Variants in ZDHHC11B observed in about 807,000 individuals in gnomAD.
The protein encoded by ZDHHC11B is probable palmitoyltransferase ZDHHC11B.
A neutral mutation model predicts 42.3 loss-of-function variants in ZDHHC11B; 17 were observed. The observed-to-expected ratio is 0.40, with a 90% CI of 0.27 to 0.60. ZDHHC11B has a LOEUF of 0.60. ZDHHC11B is among the 20% of genes least tolerant of loss of function. The pLI, the probability that ZDHHC11B is intolerant of heterozygous loss-of-function variation, is 0.41. For synonymous variants in ZDHHC11B, 123 were observed against 193.5 expected (o/e 0.64, Z 3.02); for missense variants, 262 against 463.2 (o/e 0.57, Z 3.99).
rs558531397 is a variant in ZDHHC11B, at chr5:749,130, C to T, written c.629-571G>A. Among the ~76,000 whole-genome samples the T allele has an allele frequency of 7.9e-4, 102 of 129,152 alleles. 17 individuals carry two copies. Among genetic ancestry groups the T allele is most frequent in the African/African-American group, 2.4e-3 (95 of 39,694 alleles). The allele number at this position is 129,152 out of a possible 152,430, so 84.7% of individuals were successfully genotyped here. A position where few individuals can be genotyped will look rare whatever the true frequency, so the allele number is the denominator to read the frequency against. On this transcript the variant is annotated intron_variant, in intron 7 of 13. Coordinates refer to ENST00000508859, the MANE Select transcript of ZDHHC11B (RefSeq NM_001351303.2). ...TCCTCACTAAGTACCAGGGTCACAG[C>T]GCCTGCTGGCTCTGCCGAGTCCCAG... is the stretch of plus-strand genomic sequence containing the variant.
intron 12 of ZDHHC11B, among the ~76,000 whole-genome samples, chr5:724,422 C>G (rs1355098663): frequency 6.1e-5 from 8 of 130,276 alleles, no homozygotes; most frequent in Admixed American, 9.2e-5. Context: ...GTCGCCCAGG[C>G]TGGAGTGCAG....
At chr5:723,953 C>T (rs1462275817) in intron 12 of ZDHHC11B, among the ~76,000 whole-genome samples, 1 of 137,852 alleles carries the variant, frequency 7.3e-6, no homozygotes, top group East Asian at 2.2e-4. Context: ...TAGCCTTAGA[C>T]CCTTTGCTGG....
At chr5:774,470 GCCGGGACCTGTC>G (rs1429833630) in intron 1 of ZDHHC11B, among the ~76,000 whole-genome samples, 1 of 139,636 alleles carries the variant, frequency 7.2e-6, no homozygotes, top group Non-Finnish European at 1.6e-5. Flanking sequence ...AGTCACTAGG[GCCGGGACCTGTC>G]CCTTGGGCCT....
rs1272469001 is a variant in ZDHHC11B at position 784,658 on chromosome 5, G to A, written c.-230+10C>T. Reference sequence around the variant, plus strand: ...CCGCGCCCGCAGGACCGAGCCCCGCGCCCGCTTACCTTGGAGACGCAGCAA... The same window carrying A: ...CCGCGCCCGCAGGACCGAGCCCCGCACCCGCTTACCTTGGAGACGCAGCAA... On this transcript the variant is annotated intron_variant, in intron 1 of 13. Coordinates refer to ENST00000508859, the MANE Select transcript of ZDHHC11B (RefSeq NM_001351303.2). 2.0e-5 allele frequency among the ~76,000 whole-genome samples: 3 copies of A among 150,640 alleles called. No individual in the cohort carries two copies. In the South Asian group the frequency reaches 6.3e-4, roughly 32 times the overall value.
intron 12 of ZDHHC11B, among the ~76,000 whole-genome samples, chr5:719,128 A>G (rs1160403468): frequency 4.0e-5 from 6 of 151,850 alleles, no homozygotes; most frequent in African/African-American, 9.7e-5. Context: ...TTGCAAAACT[A>G]CTTTGGAAAG....
intron 10 of ZDHHC11B, among the ~76,000 whole-genome samples, chr5:739,321 C>A (rs1336228831): frequency 9.3e-5 from 14 of 151,304 alleles, no homozygotes; most frequent in Non-Finnish European, 2.9e-5. Context: ...TCGCTTCAAC[C>A]CAGGAGGCAG....
intron 12 of ZDHHC11B, among the ~76,000 whole-genome samples, chr5:730,039 T>G (rs541442478): frequency 2.8e-3 from 424 of 151,298 alleles, no homozygotes; most frequent in African/African-American, 9.9e-3. Context: ...GCAGTTGGGC[T>G]GGAATTGTGC....
At chr5:746,765 C>T (rs368454546) in intron 8 of ZDHHC11B, among the ~76,000 whole-genome samples, 12 of 149,814 alleles carry the variant, frequency 8.0e-5, no homozygotes, top group African/African-American at 2.9e-4. Context: ...CCCCCACGTG[C>T]TCAGCACACA....
At chr5:729,256 GGGCT>G (rs1365035245) in intron 12 of ZDHHC11B, among the ~76,000 whole-genome samples, 2 of 151,200 alleles carry the variant, frequency 1.3e-5, no homozygotes, top group Non-Finnish European at 3.0e-5. Flanking sequence ...CCGTGTCACT[GGGCT>G]TATGTCCACT....
intron 4 of ZDHHC11B, among the ~76,000 whole-genome samples, chr5:759,383 C>G (rs915623638): frequency 2.0e-4 from 30 of 151,898 alleles, no homozygotes; most frequent in African/African-American, 7.3e-4. Flanking sequence ...GTCTTGTCGT[C>G]TTATCAATCC....
chr5:773,722 C>A (rs1458403276), intron 1 of ZDHHC11B, among the ~76,000 whole-genome samples: 2 of 151,834 alleles, frequency 1.3e-5, no homozygotes, highest in Non-Finnish European at 2.9e-5. Flanking sequence ...CCCACGGGAG[C>A]CCAAGTGGGG....
chr5:775,957 C>T (rs964886540), intron 1 of ZDHHC11B, among the ~76,000 whole-genome samples: 27 of 142,552 alleles, frequency 1.9e-4, no homozygotes, highest in African/African-American at 6.3e-4. Context: ...GGAGTGCATG[C>T]CAGGAACCCC....
intron 10 of ZDHHC11B, among the ~76,000 whole-genome samples, chr5:739,146 C>T (rs1244375515): frequency 7.3e-6 from 1 of 137,068 alleles, no homozygotes; most frequent in Non-Finnish European, 1.5e-5. Context: ...TGTCTGTAAT[C>T]CCAGTCCTTA....
intron 1 of ZDHHC11B, among the ~76,000 whole-genome samples, chr5:783,628 C>T (rs1737020054): frequency 1.3e-5 from 2 of 150,162 alleles, no homozygotes; most frequent in African/African-American, 4.9e-5. Context: ...AGCAGCCCCC[C>T]AACCCCCATC....
chr5:724,371 A>ATTTTTTTTTTTTTTTTTT (rs386402805), intron 12 of ZDHHC11B, among the ~76,000 whole-genome samples: 1 of 81,418 alleles, frequency 1.2e-5, no homozygotes, highest in African/African-American at 4.6e-5. Context: ...AACCCAGCTA[A>ATTTTTTTTTTTTTTTTTT]TTTTTTTTTT....
At position 778,553 on chromosome 5, in the gene ZDHHC11B, C is replaced by T. The variant is rs1418261329; in HGVS notation, c.-230+6115G>A. On this transcript the variant is annotated intron_variant, in intron 1 of 13. Coordinates refer to ENST00000508859, the MANE Select transcript of ZDHHC11B (RefSeq NM_001351303.2). The stretch of plus-strand genomic sequence containing the variant: ...GACTCACGAGGACCCTGCCCTGCCC[C>T]GCCCCAGCCCACTCACTGCCCTTGG... Among the ~76,000 whole-genome samples the T allele has an allele frequency of 9.2e-5, 14 of 151,734 alleles. 1 individual carries two copies. The highest frequency in any genetic ancestry group is 5.3e-4 in the Admixed American group (8 of 15,206).
At chr5:761,429 G>C (rs893064887) in intron 4 of ZDHHC11B, among the ~76,000 whole-genome samples, 10 of 151,882 alleles carry the variant, frequency 6.6e-5, no homozygotes, top group Non-Finnish European at 1.3e-4. Flanking sequence ...TGGGGACTCA[G>C]GGATGTAGGT....
In ZDHHC11B at chr5:777,945, G is replaced by C. The variant is rs562392483; in HGVS notation, c.-230+6723C>G. On this transcript the variant is annotated intron_variant, in intron 1 of 13. Coordinates refer to ENST00000508859, the MANE Select transcript of ZDHHC11B (RefSeq NM_001351303.2). ...GGGGCGTGGCCTCGGCATGGCGGTC[G>C]GCGGGTCCCGAGCCCTGCCCAGCAG... Among the ~76,000 whole-genome samples the C allele has an allele frequency of 2.5e-3, 377 of 151,868 alleles. 7 individuals are homozygous for C. Among genetic ancestry groups the C allele is most frequent in the South Asian group, 0.021 (101 of 4,808 alleles).
intron 1 of ZDHHC11B, among the ~76,000 whole-genome samples, chr5:776,947 CTG>C (rs1257072707): frequency 6.6e-6 from 1 of 151,942 alleles, no homozygotes; most frequent in East Asian, 1.9e-4. Flanking sequence ...CCCAGGCCGC[CTG>C]TCAGGCAGGC....
Sources: gnomAD v4.1 joint callset for allele counts (sites outside exome capture counted in the v4.1 genomes callset) on GRCh38, gnomAD v4.1.1 for gene constraint, MANE v1.5 for transcripts, NCBI Gene and HGNC (gene_info 2026-07-23, HGNC 2026-07-21) for gene names.